The following MEGF6 variants were observed in gnomAD, a reference collection of about 807,000 sequenced individuals.
The protein encoded by MEGF6 is multiple epidermal growth factor-like domains protein 6.
In MEGF6, 184 loss-of-function variants were observed where a neutral mutation model predicts 207.1. That is an observed-to-expected ratio of 0.89 (90% CI 0.79 to 1.00). MEGF6 has a LOEUF of 1.00. Among genes scored for constraint, MEGF6 ranks in the 50% least tolerant of loss-of-function variants. MEGF6 has a pLI of 0.00. For synonymous variants in MEGF6, 1,038 were observed against 910.0 expected, an observed-to-expected ratio of 1.14 and a Z score of -2.53; for missense variants, 2,282 against 2,202.9, an observed-to-expected ratio of 1.04 and a Z score of -0.72.
chr1:3,614,753 C>T (rs1412334277), upstream of MEGF6, among the ~76,000 whole-genome samples: 3 of 152,202 alleles, frequency 2.0e-5, no homozygotes, highest in African/African-American at 7.2e-5. Flanking sequence ...CATTTATTTA[C>T]GTATTTCCCT....
intron 5 of MEGF6, among the ~76,000 whole-genome samples, chr1:3,522,518 C>T: frequency 6.6e-6 from 1 of 151,656 alleles, no homozygotes; most frequent in African/African-American, 2.4e-5. Flanking sequence ...AGTGTGCAGA[C>T]ATCCCCAGGA....
At chr1:3,598,712 C>T (rs1274139830) in intron 2 of MEGF6, among the ~76,000 whole-genome samples, 3 of 85,268 alleles carry the variant, frequency 3.5e-5, no homozygotes, top group Non-Finnish European at 4.6e-5. Context: ...GTCATGGTAA[C>T]GAGCCCCCCC....
intron 5 of MEGF6, among the ~76,000 whole-genome samples, chr1:3,522,388 C>T (rs1414784317): frequency 6.6e-6 from 1 of 152,172 alleles, no homozygotes; most frequent in African/African-American, 2.4e-5. Context: ...CCAGAGGGGC[C>T]CCGAGGTCCC....
intron 4 of MEGF6, among the ~76,000 whole-genome samples, chr1:3,551,557 C>A (rs1487043545): frequency 6.6e-6 from 1 of 152,170 alleles, no homozygotes; most frequent in African/African-American, 2.4e-5. Flanking sequence ...ACAAGGTCAA[C>A]ACAGACCCAA....
intron 4 of MEGF6, among the ~76,000 whole-genome samples, chr1:3,568,399 C>G (rs575746581): frequency 6.6e-6 from 1 of 152,182 alleles, no homozygotes; most frequent in African/African-American, 2.4e-5. Flanking sequence ...CAGTAGTGGT[C>G]CTAGGCCCCT....
rs796374476 is a variant in MEGF6 at position 3,578,539 on chromosome 1, G to C, written c.481+1286C>G. Among the ~76,000 whole-genome samples the C allele has an allele frequency of 2.5e-3, 353 of 143,152 alleles. 3 individuals carry two copies. Among genetic ancestry groups the C allele is most frequent in the Middle Eastern group, 6.9e-3 (2 of 290 alleles). The allele number at this position is 143,152 out of a possible 152,430, so 93.9% of individuals were successfully genotyped here. A position where few individuals can be genotyped will look rare whatever the true frequency, so the allele number is the denominator to read the frequency against. ...GGCAATGACAGGGCAGGGGCCCTGGGGGGGGGGGGCCCTTTCGTCCACACG... is the reference window on the plus strand; with the variant it reads ...GGCAATGACAGGGCAGGGGCCCTGGCGGGGGGGGGCCCTTTCGTCCACACG... On this transcript the variant is annotated intron_variant, in intron 4 of 36. Transcript: ENST00000356575.
intron 3 of MEGF6, among the ~76,000 whole-genome samples, chr1:3,585,426 G>C (rs1290808030): frequency 6.7e-6 from 1 of 149,922 alleles, no homozygotes; most frequent in Non-Finnish European, 1.5e-5. Context: ...CATGTCCTGT[G>C]TGTGGGTGTC....
intron 4 of MEGF6, among the ~76,000 whole-genome samples, chr1:3,532,970 A>G (rs538023808): frequency 4.6e-5 from 7 of 152,168 alleles, no homozygotes; most frequent in African/African-American, 1.7e-4. Flanking sequence ...GGTCAAATTC[A>G]ATTGAGCAGA....
At position 3,611,395 on chromosome 1, in the gene MEGF6, G is replaced by C. The variant is rs955428619; in HGVS notation, c.-127C>G. 1 of 1,251,264 alleles carries C rather than the reference G, an allele frequency of 8.0e-7. No homozygotes were observed. The highest frequency in any genetic ancestry group is 4.2e-5 in the Admixed American group (1 of 23,966). The allele number at this position is 1,251,264 out of a possible 1,614,324, so 77.5% of individuals were successfully genotyped here. ...CCCGCGCCCGCTCCGCGGAGCCCAAGGTCGCTGCAGGTGCGGAGCGTCCCG... is the reference window on the plus strand; with the variant it reads ...CCCGCGCCCGCTCCGCGGAGCCCAACGTCGCTGCAGGTGCGGAGCGTCCCG... On this transcript the variant is annotated 5_prime_UTR_variant, in exon 1 of 37. Transcript: ENST00000356575.
intron 4 of MEGF6, among the ~76,000 whole-genome samples, chr1:3,526,166 G>T (rs1641954199): frequency 1.3e-5 from 2 of 152,204 alleles, no homozygotes; most frequent in African/African-American, 4.8e-5. Flanking sequence ...GACTCTCCTA[G>T]GGGTCCGGGG....
At position 3,524,193 on chromosome 1, in the gene MEGF6, T is replaced by C. The variant is rs1410192238; in HGVS notation, c.535A>G (p.Thr179Ala). The change falls in exon 5 of 37, where the codon ACC (threonine) becomes GCC (alanine). Residue 179 changes from threonine (T) to alanine (A), a missense_variant. Thr to Ala is a moderately conservative substitution (Grantham distance 58). Coordinates refer to ENST00000356575, the MANE Select transcript of MEGF6 (RefSeq NM_001409.4). ...CACTCACAGAGGTAGGAGCCTGGGG[T>C]GTTCACGCACCGGTGCTGGCAGCCA... ...NGGCQHRCVN[T>A]PGSYLCECKP... 2.5e-6 allele frequency: 4 copies of C among 1,612,670 alleles called. No homozygotes were observed. The highest frequency in any genetic ancestry group is 3.4e-6 in the Non-Finnish European group (4 of 1,179,724).
At chr1:3,514,879 C>T (rs1641485189) in intron 6 of MEGF6, among the ~76,000 whole-genome samples, 1 of 152,200 alleles carries the variant, frequency 6.6e-6, no homozygotes, top group East Asian at 1.9e-4. Context: ...CAGGACGCGG[C>T]CAGCCAGCCC....
intron 12 of MEGF6, 110 bp from the exon 13 acceptor site, chr1:3,508,799 G>A (rs1343056227): frequency 6.0e-6 from 8 of 1,336,464 alleles, no homozygotes; most frequent in South Asian, 4.3e-5. Flanking sequence ...GGGCATCCTC[G>A]GCCCATGAGG....
At chr1:3,551,292 G>C (rs1378695856) in intron 4 of MEGF6, among the ~76,000 whole-genome samples, 1 of 152,212 alleles carries the variant, frequency 6.6e-6, no homozygotes, top group African/African-American at 2.4e-5. Context: ...CAGACCCCAG[G>C]GGTCTCAGCC....
chr1:3,540,074 G>A (rs567981074), intron 4 of MEGF6, among the ~76,000 whole-genome samples: 8 of 152,228 alleles, frequency 5.3e-5, no homozygotes, highest in African/African-American at 1.7e-4. Context: ...TGCCCAGCTC[G>A]GGGTGTCCTC....
intron 2 of MEGF6, among the ~76,000 whole-genome samples, chr1:3,601,533 G>A (rs188574817): frequency 3.3e-4 from 50 of 152,244 alleles, no homozygotes; most frequent in African/African-American, 1.2e-3. Flanking sequence ...GTACTGGGCC[G>A]GGTCGTCTGT....
At chr1:3,553,187 T>G (rs1642936082) in intron 4 of MEGF6, among the ~76,000 whole-genome samples, 4 of 121,422 alleles carry the variant, frequency 3.3e-5, no homozygotes, top group South Asian at 2.9e-4. Flanking sequence ...CCAAATCCTC[T>G]TCCTTCCCTC....
At chr1:3,495,462 C>T (rs1040481682) in intron 30 of MEGF6, among the ~76,000 whole-genome samples, 1 of 152,332 alleles carries the variant, frequency 6.6e-6, no homozygotes, top group South Asian at 2.1e-4. Flanking sequence ...CTTGACTGTG[C>T]TCTAGGCCCA....
intron 1 of MEGF6, among the ~76,000 whole-genome samples, chr1:3,608,343 T>G (rs556167353): frequency 1.3e-5 from 2 of 152,232 alleles, no homozygotes; most frequent in Admixed American, 1.3e-4. Context: ...CCAGGTCACG[T>G]GCTGTGAAAC....
Sources: allele counts gnomAD v4.1 joint callset (sites outside exome capture counted in the v4.1 genomes callset), GRCh38; gene constraint gnomAD v4.1.1; transcripts MANE v1.5; gene names NCBI Gene and HGNC (gene_info 2026-07-23, HGNC 2026-07-21).